Variants in GALNS observed in about 807,000 individuals in gnomAD.
GALNS encodes the protein N-acetylgalactosamine-6-sulfatase.
A neutral mutation model predicts 65.9 loss-of-function variants in GALNS; 65 were observed. The observed-to-expected ratio is 0.99, with a 90% CI of 0.81 to 1.21. The LOEUF is 1.21. Among genes scored for constraint, GALNS ranks in the 50% most tolerant of loss-of-function variants. The probability of loss-of-function intolerance (pLI) is 0.00; values close to 1 mark genes in which losing one functional copy is unlikely to be tolerated. For synonymous variants in GALNS, 346 were observed against 288.9 expected (o/e 1.20, Z -2.00); for missense variants, 776 against 700.7 (o/e 1.11, Z -1.21).
chr16:88,849,467 T>A (rs1222018224), intron 1 of GALNS, among the ~76,000 whole-genome samples: 4 of 152,074 alleles, frequency 2.6e-5, no homozygotes, highest in Non-Finnish European at 4.4e-5. Flanking sequence ...GTATTTTTTT[T>A]ATAGAGATGG....
Position 88,822,663 on chromosome 16 carries a change from G to A in GALNS, c.1290C>T (p.His430=). The change falls in exon 12 of 14, where the codon CAC becomes CAT. Residue 430 remains histidine (H), a synonymous_variant. Transcript: ENST00000268695. ...GCAGCTTCGTGTGGTCTTCCAGATT[G>A]TGAGTTGTGACCCCTGAAACGTTCT... ...PGQNVSGVTT[H]NLEDHTKLPL... is the part of the protein sequence containing the mutation. 6.2e-7 allele frequency: 1 copy of A among 1,613,186 alleles called. No homozygotes were observed. Among genetic ancestry groups the A allele is most frequent in the South Asian group, 1.1e-5 (1 of 91,082 alleles).
At chr16:88,840,005 C>A (rs1462002112) in intron 4 of GALNS, among the ~76,000 whole-genome samples, 1 of 152,250 alleles carries the variant, frequency 6.6e-6, no homozygotes, top group East Asian at 1.9e-4. Context: ...CTGACTTCCG[C>A]CATGGCCCCT....
chr16:88,833,596 T>A (rs1420569797), intron 8 of GALNS, among the ~76,000 whole-genome samples: 1 of 151,982 alleles, frequency 6.6e-6, no homozygotes, highest in East Asian at 1.9e-4. Flanking sequence ...GGACTACAGG[T>A]GCCCGCCACC....
intron 8 of GALNS, among the ~76,000 whole-genome samples, chr16:88,834,548 T>C (rs113923868): frequency 2.6e-3 from 295 of 113,684 alleles, no homozygotes; most frequent in African/African-American, 0.015. Context: ...CCGCGTGGTC[T>C]GGGAAGAGGC....
chr16:88,853,936 G>C (rs553900095), intron 1 of GALNS, among the ~76,000 whole-genome samples: 1 of 152,304 alleles, frequency 6.6e-6, no homozygotes, highest in South Asian at 2.1e-4. Context: ...GTTCTCTCCC[G>C]GGTCAGTGTG....
intron 1 of GALNS, chr16:88,844,673 A>G (rs1241316367): frequency 6.6e-6 from 1 of 152,310 alleles, no homozygotes; most frequent in Non-Finnish European, 1.5e-5. Context: ...AAGACAACAC[A>G]TTCTAAACAC....
At chr16:88,840,857 A>G (rs141992130) in intron 4 of GALNS, 135 bp downstream of exon 4, 6 of 748,706 alleles carry the variant, frequency 8.0e-6, no homozygotes, top group Non-Finnish European at 1.2e-5. Flanking sequence ...AGACACCTGA[A>G]CACACCCAGA....
At chr16:88,827,152 A>G in intron 9 of GALNS, 1 of 502,858 alleles carries the variant, frequency 2.0e-6, no homozygotes, top group Non-Finnish European at 3.7e-6. Flanking sequence ...ACCTGTCCGG[A>G]GAGGATCAGC....
chr16:88,837,133 C>T (rs115586744), intron 5 of GALNS, among the ~76,000 whole-genome samples: 5,910 of 152,306 alleles, frequency 0.039, 148 homozygotes, highest in South Asian at 0.083. Flanking sequence ...ATGAGGGTCC[C>T]GGACCCGGCA....
At chr16:88,842,892 G>A (rs1458244656) in intron 1 of GALNS, 63 bp from the exon 2 acceptor site, 1 of 1,596,608 alleles carries the variant, frequency 6.3e-7, no homozygotes, top group East Asian at 2.3e-5. Flanking sequence ...GGCCTGGGGA[G>A]CTGCCCATGG....
intron 11 of GALNS, 94 bp from the exon 12 acceptor site, chr16:88,822,804 C>A: frequency 2.0e-6 from 3 of 1,531,112 alleles, no homozygotes; most frequent in Non-Finnish European, 2.6e-6. Context: ...CTGACTGCGG[C>A]CGTGAGGGGC....
intron 1 of GALNS, chr16:88,843,358 C>A: frequency 3.8e-6 from 2 of 523,176 alleles, no homozygotes; most frequent in Non-Finnish European, 3.1e-6. Flanking sequence ...CTGAAACTTA[C>A]GTCCACACGC....
At chr16:88,827,658 C>A (rs559960948) in intron 9 of GALNS, among the ~76,000 whole-genome samples, 4 of 152,312 alleles carry the variant, frequency 2.6e-5, no homozygotes, top group Admixed American at 2.6e-4. Context: ...GTTGGTCAGG[C>A]TGGTCTCGAA....
chr16:88,836,882 GCC>G, intron 5 of GALNS, among the ~76,000 whole-genome samples: 1 of 152,208 alleles, frequency 6.6e-6, no homozygotes, highest in East Asian at 1.9e-4. Context: ...CTGGGGAGCC[GCC>G]GCTCAGGCCA....
At chr16:88,836,880 C>CT in intron 5 of GALNS, among the ~76,000 whole-genome samples, 1 of 152,210 alleles carries the variant, frequency 6.6e-6, no homozygotes, top group East Asian at 1.9e-4. Flanking sequence ...GGCTGGGGAG[C>CT]CGCCGCTCAG....
At chr16:88,844,126 G>A (rs1967122720) in intron 1 of GALNS, 1 of 151,742 alleles carries the variant, frequency 6.6e-6, no homozygotes, top group Non-Finnish European at 1.5e-5. Context: ...TGGCTGTCAT[G>A]GTCAATTTTA....
chr16:88,824,227 G>T (rs796457613), intron 11 of GALNS, among the ~76,000 whole-genome samples: 33 of 152,268 alleles, frequency 2.2e-4, no homozygotes, highest in African/African-American at 7.9e-4. Flanking sequence ...GGCCAGAAAA[G>T]ACCGTGGGGA....
Position 88,835,771 on chromosome 16 carries a change from G to A in GALNS, c.712C>T (p.Pro238Ser). ...AAGAAGGGTTTGGAGGCATAGACGG[G>A]TGCGTGCGTGGCGTCGACAGCCCAG... The part of the protein sequence containing the change: ...LYWAVDATHA[P>S]VYASKPFLGT... Residue 238 changes from proline to serine, a missense_variant, in exon 7 of 14, where the codon CCC (proline) becomes TCC (serine). Physicochemically the swap from Pro to Ser is moderately conservative, Grantham distance 74. Transcript: ENST00000268695. 2 of 1,614,152 alleles carry A rather than the reference G, an allele frequency of 1.2e-6. No individual in the cohort carries two copies. The highest frequency in any genetic ancestry group is 1.7e-6 in the Non-Finnish European group (2 of 1,180,030).
chr16:88,834,571 CTCA>C (rs1170918006), intron 8 of GALNS, among the ~76,000 whole-genome samples: 59 of 137,272 alleles, frequency 4.3e-4, no homozygotes, highest in Admixed American at 5.8e-4. Flanking sequence ...CAGGGCCCCC[CTCA>C]GCGTGGTCTG....
Sources: allele counts gnomAD v4.1 joint callset (sites outside exome capture counted in the v4.1 genomes callset), GRCh38; gene constraint gnomAD v4.1.1; transcripts MANE v1.5; gene names NCBI Gene and HGNC (gene_info 2026-07-23, HGNC 2026-07-21).